Variants in CNR1 observed in about 807,000 individuals in gnomAD.
CNR1 encodes cannabinoid receptor 1 (brain).
A neutral mutation model predicts 23.0 loss-of-function variants in CNR1; 10 were observed. That is an observed-to-expected ratio of 0.43 (90% confidence interval 0.27 to 0.74). The LOEUF (loss-of-function observed/expected upper bound fraction) is 0.74. Ranked by LOEUF, CNR1 falls within the 30% of genes least tolerant of loss-of-function variation. The pLI is 0.19. For synonymous variants in CNR1, 271 were observed against 255.2 expected (o/e 1.06, Z -0.59); for missense variants, 422 against 618.8 (o/e 0.68, Z 3.37).
At chr6:88,160,086 G>A (rs1158960451) in intron 1 of CNR1, among the ~76,000 whole-genome samples, 1 of 151,962 alleles carries the variant, frequency 6.6e-6, no homozygotes, top group Admixed American at 6.6e-5. Context: ...CCAGCACTTT[G>A]GGAGGCTGAG....
chr6:88,161,719 A>C (rs756409143), intron 1 of CNR1, among the ~76,000 whole-genome samples: 1 of 152,220 alleles, frequency 6.6e-6, no homozygotes, highest in Non-Finnish European at 1.5e-5. Flanking sequence ...CCATGTGAGC[A>C]AGTTTGAGAT....
chr6:88,149,468 T>A (rs572632750), intron 1 of CNR1, among the ~76,000 whole-genome samples: 1 of 152,162 alleles, frequency 6.6e-6, no homozygotes, highest in African/African-American at 2.4e-5. Flanking sequence ...CATTTACATA[T>A]GGAAAGTTTT....
upstream of CNR1, among the ~76,000 whole-genome samples, chr6:88,167,186 G>A (rs1225984755): frequency 6.6e-6 from 1 of 151,984 alleles, no homozygotes; most frequent in Non-Finnish European, 1.5e-5. Flanking sequence ...CCCGCTCCTC[G>A]CACCTTTTCG....
At chr6:88,149,844 A>C (rs1777424429) in intron 1 of CNR1, among the ~76,000 whole-genome samples, 1 of 152,178 alleles carries the variant, frequency 6.6e-6, no homozygotes, top group Non-Finnish European at 1.5e-5. Context: ...TATAATCAGG[A>C]GTTCACATAT....
rs193201280 is a variant in CNR1, at chr6:88,149,442, G to A, written c.-63-4105C>T. ...CAACTCTTGCTCCTTGCAAACTTAT[G>A]TTTGCTTAACAACTCCATTTACATA... On this transcript the variant is annotated intron_variant, in intron 1 of 1. Transcript: ENST00000369501. Among the ~76,000 whole-genome samples the A allele has an allele frequency of 3.2e-3, 487 of 152,300 alleles. 1 individual carries two copies. The highest frequency in any genetic ancestry group is 8.9e-3 in the Admixed American group (136 of 15,300).
rs1055316426 is a variant in CNR1 at position 88,143,626 on chromosome 6, G to T, written c.*230C>A. On this transcript the variant is annotated 3_prime_UTR_variant, in exon 2 of 2. Coordinates refer to ENST00000369501, the MANE Select transcript of CNR1 (RefSeq NM_016083.6). ...TATTTCATTGAGACTTTGAAGGATC[G>T]TTCAGTCACTTAAACAACAGGCTTT... 6.4e-6 allele frequency: 3 copies of T among 468,880 alleles called. No homozygotes were observed. The highest frequency in any genetic ancestry group is 7.2e-5 in the East Asian group (2 of 27,630). 29.0% of individuals were successfully genotyped at this position (468,880 alleles called of 1,614,324 possible). A position where few individuals can be genotyped will look rare whatever the true frequency, so the allele number is the denominator to read the frequency against.
At chr6:88,153,548 C>G (rs563692924) in intron 1 of CNR1, among the ~76,000 whole-genome samples, 7 of 152,298 alleles carry the variant, frequency 4.6e-5, no homozygotes, top group Admixed American at 2.0e-4. Flanking sequence ...GTTCCAGTCC[C>G]TTGCTTAACT....
chr6:88,162,612 G>C (rs766232479), intron 1 of CNR1, among the ~76,000 whole-genome samples: 3 of 152,194 alleles, frequency 2.0e-5, no homozygotes, highest in Non-Finnish European at 4.4e-5. Flanking sequence ...TTTCTCTGAG[G>C]ATAAGATTAG....
intron 1 of CNR1, among the ~76,000 whole-genome samples, chr6:88,146,956 T>A (rs1480004336): frequency 6.6e-6 from 1 of 152,166 alleles, no homozygotes; most frequent in Non-Finnish European, 1.5e-5. Flanking sequence ...GTATTATGTC[T>A]AGCTACGGTA....
At chr6:88,149,893 G>A (rs989009737) in intron 1 of CNR1, among the ~76,000 whole-genome samples, 2 of 152,098 alleles carry the variant, frequency 1.3e-5, no homozygotes, top group South Asian at 4.1e-4. Context: ...AAACACAGAG[G>A]CATCTTTTTT....
chr6:88,159,082 C>T (rs1051400148), intron 1 of CNR1, among the ~76,000 whole-genome samples: 6 of 152,172 alleles, frequency 3.9e-5, no homozygotes, highest in Non-Finnish European at 8.8e-5. Context: ...CCATTTTCTC[C>T]TAATTCTATT....
rs1357687068 is a variant in CNR1, at chr6:88,144,790, G to A, written c.485C>T (p.Ala162Val). The A allele has an allele frequency of 6.2e-7, 1 of 1,614,156 alleles. No homozygotes were observed. The highest frequency in any genetic ancestry group is 8.5e-7 in the Non-Finnish European group (1 of 1,180,024). The change falls in exon 2 of 2, where the codon GCA becomes GTA. Residue 162 changes from alanine (A) to valine (V), a missense_variant. Ala to Val is a moderately conservative substitution (Grantham distance 64, BLOSUM62 0). Around this residue, in one of 4 missense-constraint regions of CNR1, gnomAD observed 211 missense variants for 357.3 expected, o/e 0.59. Transcript: ENST00000369501. The surrounding 1 kb of genome is among the most constrained non-coding windows in gnomAD (Gnocchi z 7.8). ...SYHFIGSLAV[A>V]DLLGSVIFVY... ...AAAAATGACACTCCCCAGGAGGTCT[G>A]CCACCGCCAGGCTGCCGATGAAGTG... is the stretch of plus-strand genomic sequence containing the variant.
chr6:88,145,022 A>T lies in CNR1; in HGVS notation c.253T>A (p.Ser85Thr). ...TCATTCTCCTTGAAGGACGAGAGAG[A>T]CTTGTTGTAAAATTCTGTAATGTTC... ...QVNITEFYNK[S>T]LSSFKENEEN... is the part of the protein sequence containing the mutation. Residue 85 changes from serine to threonine, a missense_variant, in exon 2 of 2, where the codon TCT becomes ACT. Ser to Thr is a moderately conservative substitution (Grantham distance 58). Coordinates refer to ENST00000369501, the MANE Select transcript of CNR1 (RefSeq NM_016083.6). 6 of 1,614,086 alleles carry T rather than the reference A, an allele frequency of 3.7e-6. No individual in the cohort carries two copies. Among genetic ancestry groups the T allele is most frequent in the Non-Finnish European group, 5.1e-6 (6 of 1,180,008 alleles).
chr6:88,147,015 G>A (rs551136452), intron 1 of CNR1, among the ~76,000 whole-genome samples: 5 of 152,264 alleles, frequency 3.3e-5, no homozygotes, highest in East Asian at 1.9e-4. Flanking sequence ...GCCCTTGGCC[G>A]GGCACAGTAG....
At chr6:88,164,880 C>A (rs1339878456) in intron 1 of CNR1, among the ~76,000 whole-genome samples, 1 of 152,200 alleles carries the variant, frequency 6.6e-6, no homozygotes. Context: ...ACAGAGATAT[C>A]TTTCAACACC....
chr6:88,144,662 C>A lies in CNR1; in HGVS notation c.613G>T (p.Gly205Cys). Reference protein sequence around the residue: ...GVTASFTASVGSLFLTAIDRY... With the variant: ...GVTASFTASVCSLFLTAIDRY... The stretch of plus-strand genomic sequence containing the variant: ...TCGATGGCTGTGAGGAACAGGCTGC[C>A]CACGGAGGCAGTGAAGGAGGCCGTG... Residue 205 changes from glycine (G) to cysteine (C), a missense_variant, in exon 2 of 2, where the codon GGC (glycine) becomes TGC (cysteine). Gly to Cys is a radical substitution (Grantham distance 159). This residue lies in a region of CNR1 where 211 missense variants were observed against 357.3 expected (regional missense o/e 0.59). Coordinates refer to ENST00000369501, the MANE Select transcript of CNR1 (RefSeq NM_016083.6). This position sits in a 1 kb window ranked among gnomAD's most constrained non-coding sequence, Gnocchi z 7.8. The A allele has an allele frequency of 6.2e-7, 1 of 1,614,190 alleles. No homozygotes were observed. Among genetic ancestry groups the A allele is most frequent in the Non-Finnish European group, 8.5e-7 (1 of 1,180,042 alleles).
intron 1 of CNR1, among the ~76,000 whole-genome samples, chr6:88,162,568 G>A (rs1778161842): frequency 6.6e-6 from 1 of 152,154 alleles, no homozygotes. Flanking sequence ...GTCCCCAAAA[G>A]CAGCATTCAT....
intron 1 of CNR1, among the ~76,000 whole-genome samples, chr6:88,159,864 T>C (rs1777995097): frequency 6.6e-6 from 1 of 152,162 alleles, no homozygotes; most frequent in Admixed American, 6.5e-5. Context: ...TAAACCAAAA[T>C]ACTCAGATCA....
At chr6:88,152,158 T>C (rs1047394552) in intron 1 of CNR1, among the ~76,000 whole-genome samples, 53 of 139,176 alleles carry the variant, frequency 3.8e-4, no homozygotes, top group African/African-American at 1.3e-3. Flanking sequence ...GAGCTTGCAG[T>C]GAGCCGAGAT....
Sources: allele counts gnomAD v4.1 joint callset (sites outside exome capture counted in the v4.1 genomes callset), GRCh38; gene constraint gnomAD v4.1.1; regional missense constraint gnomAD v4.1.1; non-coding constraint Gnocchi (gnomAD v3.1); transcripts MANE v1.5; gene names NCBI Gene and HGNC (gene_info 2026-07-23, HGNC 2026-07-21).